CUBN: variants seen among roughly 807,000 people sequenced by gnomAD.
CUBN encodes the protein 460 kDa receptor.
A neutral mutation model predicts 405.3 loss-of-function variants in CUBN; 282 were observed. The observed-to-expected ratio is 0.70, with a 90% CI of 0.63 to 0.77. The LOEUF is 0.77. Among genes scored for constraint, CUBN ranks in the 30% least tolerant of loss-of-function variants. The pLI is 0.00. For missense variants in CUBN, 4,514 were observed against 4,475.2 expected (o/e 1.01, Z -0.25); for synonymous variants, 1,684 against 1,617.0 (o/e 1.04, Z -0.99).
rs1380042013 is a variant in CUBN, at chr10:16,842,460, A to G, written c.9664-1413T>C. ...AGCCCTCCCAAAACTGTTCTCCCAG[A>G]GCCATCTTTACCTCAATGTTTCAAG... On this transcript the variant is annotated intron_variant, in intron 60 of 66. Coordinates refer to ENST00000377833, the MANE Select transcript of CUBN (RefSeq NM_001081.4). Among the ~76,000 whole-genome samples the G allele has an allele frequency of 2.6e-5, 4 of 152,112 alleles. No individual in the cohort carries two copies. In the East Asian group the frequency reaches 7.7e-4, roughly 29 times the overall value.
At chr10:16,855,002 TTCTC>T (rs898361981) in intron 59 of CUBN, among the ~76,000 whole-genome samples, 4 of 143,886 alleles carry the variant, frequency 2.8e-5, no homozygotes, top group African/African-American at 5.2e-5. Context: ...CTTTCCTTTT[TTCTC>T]TCTCTCTCTT....
rs141089159 is a variant in CUBN, at chr10:17,085,708, T to C, written c.1999A>G (p.Thr667Ala). 5.3e-5 allele frequency: 85 copies of C among 1,613,976 alleles called. No individual in the cohort carries two copies. Among genetic ancestry groups the C allele is most frequent in the Non-Finnish European group, 6.6e-5 (78 of 1,179,952 alleles). Residue 667 changes from threonine (T) to alanine (A), a missense_variant, in exon 16 of 67, where the codon ACT becomes GCT. This residue lies in a region of CUBN where 1,448 missense variants were observed against 1,388.0 expected (regional missense o/e 1.04). Coordinates refer to ENST00000377833, the MANE Select transcript of CUBN (RefSeq NM_001081.4). Reference protein sequence around the residue: ...QDPLLGKFCTTFSVPPLQTTG... With the variant: ...QDPLLGKFCTAFSVPPLQTTG... ...GTCTGGAGCGGTGGGACAGAGAAAG[T>C]GGTGCAGAACTTCCCAAGAAGGGGG... is the stretch of plus-strand genomic sequence containing the variant.
At chr10:16,950,604 G>A (rs1842900214) in intron 33 of CUBN, among the ~76,000 whole-genome samples, 1 of 152,328 alleles carries the variant, frequency 6.6e-6, no homozygotes, top group African/African-American at 2.4e-5. Context: ...TAAAGCAAGG[G>A]AAGGGGACAA....
In CUBN at chr10:16,824,770, T is replaced by C; in HGVS notation, c.*205A>G. ...CCTGACCTCAGGTGATCAACCTGCC[T>C]CGGCCTCCCAAAGTGCTGAGAATAC... On this transcript the variant is annotated 3_prime_UTR_variant, in exon 67 of 67. Coordinates refer to ENST00000377833, the MANE Select transcript of CUBN (RefSeq NM_001081.4). 1 of 532,092 alleles carries C rather than the reference T, an allele frequency of 1.9e-6. No homozygotes were observed. Among genetic ancestry groups the C allele is most frequent in the Non-Finnish European group, 3.5e-6 (1 of 282,336 alleles). The allele number at this position is 532,092 out of a possible 1,614,324, so 33.0% of individuals were successfully genotyped here. A position where few individuals can be genotyped will look rare whatever the true frequency, so the allele number is the denominator to read the frequency against.
chr10:17,082,662 A>T (rs902084523), intron 17 of CUBN, among the ~76,000 whole-genome samples: 1 of 152,134 alleles, frequency 6.6e-6, no homozygotes, highest in African/African-American at 2.4e-5. Flanking sequence ...CCAGGTATGG[A>T]ATTGGGTAAT....
intron 28 of CUBN, among the ~76,000 whole-genome samples, chr10:17,005,188 C>T (rs1588572439): frequency 6.6e-6 from 1 of 152,182 alleles, no homozygotes; most frequent in South Asian, 2.1e-4. Flanking sequence ...TGTTTCCTAT[C>T]AGTTGGTTTC....
intron 30 of CUBN, among the ~76,000 whole-genome samples, chr10:16,983,264 G>A (rs1437414663): frequency 3.3e-5 from 5 of 152,106 alleles, no homozygotes; most frequent in Non-Finnish European, 7.4e-5. Context: ...AACACTAAAT[G>A]TGTGTGTCTG....
intron 56 of CUBN, among the ~76,000 whole-genome samples, chr10:16,884,210 CT>C (rs1373394208): frequency 4.6e-5 from 7 of 152,160 alleles, no homozygotes; most frequent in Non-Finnish European, 8.8e-5. Flanking sequence ...TCTCGACCCC[CT>C]GACCTCATGA....
At chr10:16,854,191 A>G (rs949005508) in intron 59 of CUBN, among the ~76,000 whole-genome samples, 5 of 152,250 alleles carry the variant, frequency 3.3e-5, no homozygotes, top group African/African-American at 1.2e-4. Context: ...TGGCAATTCC[A>G]GCCTGAAAGA....
intron 17 of CUBN, among the ~76,000 whole-genome samples, chr10:17,075,774 T>C (rs762761733): frequency 6.6e-6 from 1 of 152,160 alleles, no homozygotes; most frequent in African/African-American, 2.4e-5. Flanking sequence ...ATTTCACATA[T>C]TGTAGTAAAG....
chr10:17,035,021 C>T (rs1170069583), intron 27 of CUBN, among the ~76,000 whole-genome samples: 2 of 150,572 alleles, frequency 1.3e-5, no homozygotes, highest in Non-Finnish European at 2.9e-5. Context: ...TGGCTGACCA[C>T]TTAACCGGAC....
At chr10:16,888,237 TAA>T (rs1367277702) in intron 56 of CUBN, among the ~76,000 whole-genome samples, 178 bp downstream of exon 56, 7 of 152,212 alleles carry the variant, frequency 4.6e-5, no homozygotes, top group Non-Finnish European at 7.3e-5. Flanking sequence ...TAAAAATTGC[TAA>T]GAGAGGTTTT....
At chr10:16,865,025 A>G (rs940696456) in intron 59 of CUBN, among the ~76,000 whole-genome samples, 16 of 115,728 alleles carry the variant, frequency 1.4e-4, no homozygotes, top group African/African-American at 5.8e-4. Flanking sequence ...CAATGGTGCT[A>G]TCTTGGGTCA....
At chr10:17,014,461 C>T (rs930684813) in intron 28 of CUBN, among the ~76,000 whole-genome samples, 4 of 152,092 alleles carry the variant, frequency 2.6e-5, no homozygotes, top group Non-Finnish European at 4.4e-5. Flanking sequence ...TGGGGATCCA[C>T]AGTCAGCAAA....
chr10:17,099,026 G>C (rs1277625201), intron 14 of CUBN, among the ~76,000 whole-genome samples: 1 of 152,074 alleles, frequency 6.6e-6, no homozygotes, highest in Non-Finnish European at 1.5e-5. Context: ...AATTCTTTGG[G>C]AAAACTGACA....
At chr10:16,962,731 A>C (rs1707289) in intron 31 of CUBN, among the ~76,000 whole-genome samples, 45,626 of 152,030 alleles carry the variant, frequency 0.3, 7,558 homozygotes, top group Middle Eastern at 0.43. Flanking sequence ...TACTCCGTGG[A>C]GAGGCCTGTG....
intron 31 of CUBN, among the ~76,000 whole-genome samples, chr10:16,957,567 T>C (rs61844362): frequency 0.14 from 21,275 of 151,982 alleles, 1,765 homozygotes; most frequent in Non-Finnish European, 0.19. Flanking sequence ...TTAATCCCAA[T>C]TAGAAAATAA....
Position 16,824,245 on chromosome 10 carries a change from G to A in CUBN, c.*730C>T, listed in dbSNP as rs1253951652. 1 of 152,060 alleles carries A rather than the reference G, an allele frequency of 6.6e-6. No homozygotes were observed. The highest frequency in any genetic ancestry group is 1.5e-5 in the Non-Finnish European group (1 of 68,092). 9.4% of individuals were successfully genotyped at this position (152,060 alleles called of 1,614,324 possible). A position where few individuals can be genotyped will look rare whatever the true frequency, so the allele number is the denominator to read the frequency against. On this transcript the variant is annotated 3_prime_UTR_variant, in exon 67 of 67. Transcript: ENST00000377833. ...TTTTTTGATTTTTTGTAAAAATCAG[G>A]TCTCACTTTGTTGCCCAGGCTGGTC...
Position 17,114,112 on chromosome 10 carries a change from C to G in CUBN, c.798G>C (p.Glu266Asp). The G allele has an allele frequency of 6.2e-7, 1 of 1,613,684 alleles. No individual in the cohort carries two copies. The highest frequency in any genetic ancestry group is 8.5e-7 in the Non-Finnish European group (1 of 1,179,866). ...AGCAAGGCCCGGGCTGGAAGCTGCA[C>G]TCGTCTCTGTCCAGCGTGCAGGCAG... Reference protein sequence around the residue: ...NSPACTLDRDECSFQPGPCST... With the variant: ...NSPACTLDRDDCSFQPGPCST... Residue 266 changes from glutamate to aspartate, a missense_variant, in exon 8 of 67, where the codon GAG becomes GAC. Coordinates refer to ENST00000377833, the MANE Select transcript of CUBN (RefSeq NM_001081.4).
Sources: gnomAD v4.1 joint callset for allele counts (sites outside exome capture counted in the v4.1 genomes callset) on GRCh38, gnomAD v4.1.1 for gene constraint, gnomAD v4.1.1 regional missense constraint, MANE v1.5 for transcripts, NCBI Gene and HGNC (gene_info 2026-07-23, HGNC 2026-07-21) for gene names.